PRG2: variants seen among roughly 807,000 people sequenced by gnomAD.
PRG2 encodes the protein proteoglycan 2, pro eosinophil major basic protein.
In PRG2, 23 loss-of-function variants were observed where a neutral mutation model predicts 24.7. That is an observed-to-expected ratio of 0.93 (90% CI 0.67 to 1.32). The LOEUF is 1.32. Ranked by LOEUF, PRG2 falls within the 40% of genes most tolerant of loss-of-function variation. The probability of loss-of-function intolerance (pLI) is 0.00; values close to 1 mark genes in which losing one functional copy is unlikely to be tolerated. For synonymous variants in PRG2, 104 were observed against 99.8 expected (o/e 1.04, Z -0.25); for missense variants, 271 against 280.9 (o/e 0.96, Z 0.25).
rs1245666180 is a variant in PRG2, at chr11:57,389,245, T to C, written c.131A>G (p.Gln44Arg). The change falls in exon 3 of 6, where the codon CAG becomes CGG. Residue 44 changes from glutamine to arginine, a missense_variant. Coordinates refer to ENST00000311862, the MANE Select transcript of PRG2 (RefSeq NM_002728.6). ...TLPEDEETPE[Q>R]EMEETPCREL... ...CCTGCAAGGGGTCTCCTCCATCTCC[T>C]GCTCTGGTGTCTCCTCATCCTCAGG... is the stretch of plus-strand genomic sequence containing the variant. 1 of 1,614,096 alleles carries C rather than the reference T, an allele frequency of 6.2e-7. No individual in the cohort carries two copies. Among genetic ancestry groups the C allele is most frequent in the East Asian group, 2.2e-5 (1 of 44,896 alleles).
chr11:57,390,104 G>C (rs1295774273), intron 1 of PRG2, 148 bp from the exon 2 acceptor site: 1 of 686,904 alleles, frequency 1.5e-6, no homozygotes, highest in African/African-American at 1.8e-5. Context: ...CTCATGCCAA[G>C]CCCAGCTCCT....
At chr11:57,388,442 G>A in intron 4 of PRG2, 135 bp downstream of exon 4, 1 of 1,354,110 alleles carries the variant, frequency 7.4e-7, no homozygotes, top group Non-Finnish European at 1.0e-6. Context: ...AGCCCCCTCA[G>A]TGTTGTCTGT....
chr11:57,387,509 C>T lies in PRG2; in HGVS notation c.635G>A (p.Cys212Tyr). 6.2e-7 allele frequency: 1 copy of T among 1,613,976 alleles called. No homozygotes were observed. The highest frequency in any genetic ancestry group is 8.5e-7 in the Non-Finnish European group (1 of 1,179,988). Reference sequence around the variant, plus strand: ...ACAGATGAAAGGAAGTCTTCTGAGGCAGTGGGCTCGACGCCAGTGGCCTCC... The same window carrying T: ...ACAGATGAAAGGAAGTCTTCTGAGGTAGTGGGCTCGACGCCAGTGGCCTCC... ...TRGGHWRRAH[C>Y]LRRLPFICSY Residue 212 changes from cysteine (C) to tyrosine (Y), a missense_variant, in exon 6 of 6, where the codon TGC becomes TAC. Cys to Tyr is a radical substitution (Grantham distance 194). Coordinates refer to ENST00000311862, the MANE Select transcript of PRG2 (RefSeq NM_002728.6).
chr11:57,389,082 C>A lies in PRG2; in HGVS notation c.294G>T (p.Val98=). ...AGGTCTGGCACCCAGGGATGCCCAC[C>A]ACTTTTACTGTGTCCTCTTCCTCAG... ...TCPEEEDTVK[V]VGIPGCQTCR... The change falls in exon 3 of 6, where the codon GTG becomes GTT. Residue 98 remains valine, a synonymous_variant. Coordinates refer to ENST00000311862, the MANE Select transcript of PRG2 (RefSeq NM_002728.6). 3 of 1,614,220 alleles carry A rather than the reference C, an allele frequency of 1.9e-6. No individual in the cohort carries two copies. Among genetic ancestry groups the A allele is most frequent in the Non-Finnish European group, 2.5e-6 (3 of 1,180,048 alleles).
At chr11:57,388,893 G>T in intron 3 of PRG2, 117 bp downstream of exon 3, 1 of 1,453,640 alleles carries the variant, frequency 6.9e-7, no homozygotes, top group Non-Finnish European at 9.2e-7. Flanking sequence ...TGAGGCTCAG[G>T]TTCTACTGAC....
At position 57,387,803 on chromosome 11, in the gene PRG2, A is replaced by T; in HGVS notation, c.561T>A (p.Ala187=). 6.3e-7 allele frequency: 1 copy of T among 1,593,368 alleles called. No individual in the cohort carries two copies. Among genetic ancestry groups the T allele is most frequent in the Non-Finnish European group, 8.5e-7 (1 of 1,170,712 alleles). ...GSRWNFAYWA[A]HQPWSRGGHC... ...GACCACCGCGGGACCAGGGCTGGTG[A>T]GCAGCCCAGTATGCAAAGTTCCAGC... The change falls in exon 5 of 6, where the codon GCT becomes GCA. Residue 187 remains alanine (A), a synonymous_variant. Transcript: ENST00000311862.
In PRG2 at chr11:57,387,788, G is replaced by T; in HGVS notation, c.576C>A (p.Ser192=). ...FAYWAAHQPW[S]RGGHCVALCT... ...ACAGGGCCACGCAGTGACCACCGCGGGACCAGGGCTGGTGAGCAGCCCAGT... is the reference window on the plus strand; with the variant it reads ...ACAGGGCCACGCAGTGACCACCGCGTGACCAGGGCTGGTGAGCAGCCCAGT... The change falls in exon 5 of 6, where the codon TCC becomes TCA. Residue 192 remains serine (S), a synonymous_variant. Transcript: ENST00000311862. The T allele has an allele frequency of 6.3e-7, 1 of 1,592,994 alleles. No homozygotes were observed. The highest frequency in any genetic ancestry group is 1.8e-5 in the Admixed American group (1 of 56,024).
chr11:57,389,466 C>T, intron 2 of PRG2, 149 bp from the exon 3 acceptor site: 1 of 890,436 alleles, frequency 1.1e-6, no homozygotes. Flanking sequence ...ATGAGGGGAA[C>T]CCAAGCTGCC....
rs1857066757 is a variant in PRG2, at chr11:57,387,495, G to A, written c.649C>T (p.Pro217Ser). 1 of 1,613,992 alleles carries A rather than the reference G, an allele frequency of 6.2e-7. No homozygotes were observed. The highest frequency in any genetic ancestry group is 8.5e-7 in the Non-Finnish European group (1 of 1,179,966). ...WRRAHCLRRL[P>S]FICSY is the part of the protein sequence containing the mutation. ...CCAGCTCAGTAGGAACAGATGAAAG[G>A]AAGTCTTCTGAGGCAGTGGGCTCGA... The change falls in exon 6 of 6, where the codon CCT (proline) becomes TCT (serine). Residue 217 changes from proline to serine, a missense_variant. Physicochemically the swap from Pro to Ser is moderately conservative, Grantham distance 74. Coordinates refer to ENST00000311862, the MANE Select transcript of PRG2 (RefSeq NM_002728.6).
intron 4 of PRG2, 64 bp downstream of exon 4, chr11:57,388,513 A>G (rs936319016): frequency 6.3e-7 from 1 of 1,596,042 alleles, no homozygotes; most frequent in African/African-American, 1.3e-5. Context: ...GACAAATCTG[A>G]TGCAAGCTGA....
chr11:57,389,206 T>C lies in PRG2; in HGVS notation c.170A>G (p.Glu57Gly). The change falls in exon 3 of 6, where the codon GAG becomes GGG. Residue 57 changes from glutamate (E) to glycine (G), a missense_variant. By Grantham distance (98) the Glu-to-Gly change is moderately conservative (BLOSUM62 -2). Transcript: ENST00000311862. Reference protein sequence around the residue: ...EETPCRELEEEEEWGSGSEDA... With the variant: ...EETPCRELEEGEEWGSGSEDA... ...TTCACTTCCAGAGCCCCACTCCTCC[T>C]CTTCCTCCAGCTCCCTGCAAGGGGT... 1 of 1,613,890 alleles carries C rather than the reference T, an allele frequency of 6.2e-7. No individual in the cohort carries two copies. Among genetic ancestry groups the C allele is most frequent in the East Asian group, 2.2e-5 (1 of 44,876 alleles).
rs1857137542 is a variant in PRG2 at position 57,390,589 on chromosome 11, C to A, written c.-13+7G>T. 1.0e-6 allele frequency: 1 copy of A among 985,494 alleles called. No homozygotes were observed. The highest frequency in any genetic ancestry group is 1.7e-5 in the African/African-American group (1 of 57,252). 61.0% of individuals were successfully genotyped at this position (985,494 alleles called of 1,614,324 possible). ...ACCAGCTCCACCACAGCAGAGAAAG[C>A]ACTCACCCACCCAGAGACCTTCCTG... On this transcript the variant is annotated splice_region_variant and intron_variant, in intron 1 of 5. Transcript: ENST00000311862.
In PRG2 at chr11:57,388,578, G is replaced by A. The variant is rs751028819; in HGVS notation, c.497C>T (p.Ser166Leu). The A allele has an allele frequency of 1.5e-5, 24 of 1,613,636 alleles. No homozygotes were observed. The highest frequency in any genetic ancestry group is 5.5e-5 in the South Asian group (5 of 91,064). Residue 166 changes from serine (S) to leucine (L), a missense_variant and splice_region_variant, in exon 4 of 6, where the codon TCG becomes TTG. Physicochemically the swap from Ser to Leu is moderately radical, Grantham distance 145. Coordinates refer to ENST00000311862, the MANE Select transcript of PRG2 (RefSeq NM_002728.6). ...QVWIGGRITG[S>L]GRCRRFQWVD... Reference sequence around the variant, plus strand: ...ATTTAGTGTTCACACTTCTCTTACCGAGCCTGTGATCCTGCCTCCAATCCA... The same window carrying A: ...ATTTAGTGTTCACACTTCTCTTACCAAGCCTGTGATCCTGCCTCCAATCCA...
rs992417961 is a variant in PRG2 at position 57,387,856 on chromosome 11, T to C, written c.508A>G (p.Arg170Gly). Reference sequence around the variant, plus strand: ...CTGCCGTCAACCCACTGAAAGCGTCTGCAGCGACCCTGGAGAAAGCAAGAG... The same window carrying C: ...CTGCCGTCAACCCACTGAAAGCGTCCGCAGCGACCCTGGAGAAAGCAAGAG... The part of the protein sequence containing the change: ...GGRITGSGRC[R>G]RFQWVDGSRW... Residue 170 changes from arginine (R) to glycine (G), a missense_variant, in exon 5 of 6, where the codon AGA (arginine) becomes GGA (glycine). Coordinates refer to ENST00000311862, the MANE Select transcript of PRG2 (RefSeq NM_002728.6). The C allele has an allele frequency of 5.1e-6, 8 of 1,568,176 alleles. No individual in the cohort carries two copies. The South Asian group carries it at 9.4e-5, about 18-fold the overall frequency.
At chr11:57,388,906 C>T (rs1857101625) in intron 3 of PRG2, 104 bp downstream of exon 3, 7 of 1,480,714 alleles carry the variant, frequency 4.7e-6, no homozygotes, top group Non-Finnish European at 6.4e-6. Context: ...CTACTGACAC[C>T]CCCAGGGCCC....
chr11:57,388,887 G>T, intron 3 of PRG2, 123 bp downstream of exon 3: 1 of 1,438,122 alleles, frequency 7.0e-7, no homozygotes, highest in Non-Finnish European at 9.3e-7. Context: ...CCTCTCTGAG[G>T]CTCAGGTTCT....
intron 1 of PRG2, 47 bp from the exon 2 acceptor site, chr11:57,390,003 G>A (rs1009031237): frequency 1.6e-5 from 24 of 1,457,482 alleles, no homozygotes; most frequent in Non-Finnish European, 2.2e-5. Context: ...AGACACACAT[G>A]CACACACATC....
chr11:57,388,820 G>T (rs902900100), intron 3 of PRG2, 112 bp from the exon 4 acceptor site: 2 of 1,494,262 alleles, frequency 1.3e-6, no homozygotes, highest in Non-Finnish European at 1.8e-6. Context: ...CCATTTGAAG[G>T]TTGGAGACCA....
rs1231054297 is a variant in PRG2, at chr11:57,387,509, C to A, written c.635G>T (p.Cys212Phe). The part of the protein sequence containing the change: ...TRGGHWRRAH[C>F]LRRLPFICSY Reference sequence around the variant, plus strand: ...ACAGATGAAAGGAAGTCTTCTGAGGCAGTGGGCTCGACGCCAGTGGCCTCC... The same window carrying A: ...ACAGATGAAAGGAAGTCTTCTGAGGAAGTGGGCTCGACGCCAGTGGCCTCC... The change falls in exon 6 of 6, where the codon TGC becomes TTC. Residue 212 changes from cysteine (C) to phenylalanine (F), a missense_variant. Coordinates refer to ENST00000311862, the MANE Select transcript of PRG2 (RefSeq NM_002728.6). 5 of 1,613,976 alleles carry A rather than the reference C, an allele frequency of 3.1e-6. No individual in the cohort carries two copies. The highest frequency in any genetic ancestry group is 4.2e-6 in the Non-Finnish European group (5 of 1,179,988).
Sources: gnomAD v4.1 joint callset for allele counts on GRCh38, gnomAD v4.1.1 for gene constraint, MANE v1.5 for transcripts, NCBI Gene and HGNC (gene_info 2026-07-23, HGNC 2026-07-21) for gene names.